The following GNL3L variants were observed in gnomAD, a reference collection of about 807,000 sequenced individuals.
The protein encoded by GNL3L is G protein nucleolar 3 like.
Under a neutral mutation model 42.9 loss-of-function variants are expected in GNL3L, and 4 were observed. The observed-to-expected ratio is 0.09, with a 90% CI of 0.05 to 0.21. GNL3L has a LOEUF of 0.21. Among genes scored for constraint, GNL3L ranks in the 10% least tolerant of loss-of-function variants. GNL3L has a pLI of 1.00. For missense variants in GNL3L, 412 were observed against 481.7 expected, an observed-to-expected ratio of 0.86 and a Z score of 1.36; for synonymous variants, 159 against 176.3, an observed-to-expected ratio of 0.90 and a Z score of 0.78.
chrX:54,643,147 A>G, the GNL3L span, among the ~76,000 whole-genome samples: 2 of 112,209 alleles, frequency 1.8e-5, no homozygotes, highest in Non-Finnish European at 3.8e-5. Context: ...ACCAATACAT[A>G]TACATCTACC....
chrX:54,574,152 A>G (rs1925601597), intron 16 of GNL3L, among the ~76,000 whole-genome samples: 1 of 111,550 alleles, frequency 9.0e-6, no homozygotes, highest in Non-Finnish European at 1.9e-5. Context: ...TCAACTCACT[A>G]TACTGACTAG....
intron 16 of GNL3L, among the ~76,000 whole-genome samples, chrX:54,591,082 C>T (rs1334873528): frequency 9.0e-6 from 1 of 111,149 alleles, no homozygotes; most frequent in East Asian, 2.8e-4. Flanking sequence ...CCACCTGCCT[C>T]TGCCCCACAA....
At chrX:54,591,870 G>T (rs55961022) in intron 16 of GNL3L, among the ~76,000 whole-genome samples, 4,465 of 111,194 alleles carry the variant, frequency 0.04, 84 homozygotes, top group South Asian at 0.1. Flanking sequence ...TTGGTATTCT[G>T]ATAGAGATTG....
downstream of GNL3L, among the ~76,000 whole-genome samples, chrX:54,571,356 A>T (rs1219432637): frequency 9.2e-6 from 1 of 108,452 alleles, no homozygotes; most frequent in Non-Finnish European, 1.9e-5. Flanking sequence ...ACCACGCCCG[A>T]CTAATGTTTT....
chrX:54,618,033 A>T (rs180776474), intron 16 of GNL3L, among the ~76,000 whole-genome samples: 109 of 110,434 alleles, frequency 9.9e-4, no homozygotes, highest in African/African-American at 3.4e-3. Flanking sequence ...AGTACTTTAA[A>T]AAAATTTAGC....
chrX:54,553,698 C>T (rs1211573795), intron 13 of GNL3L, among the ~76,000 whole-genome samples: 3 of 111,037 alleles, frequency 2.7e-5, no homozygotes, highest in Non-Finnish European at 3.8e-5. Context: ...CACCACCACG[C>T]CTGGCTAATT....
At chrX:54,579,982 G>GTTTTTTTTTT (rs1158646056) in intron 16 of GNL3L, among the ~76,000 whole-genome samples, 6 of 54,822 alleles carry the variant, frequency 1.1e-4, no homozygotes, top group African/African-American at 1.0e-3. Context: ...CTGGCCTAAA[G>GTTTTTTTTTT]TTTGTTTTTT....
At chrX:54,581,845 C>G in intron 16 of GNL3L, among the ~76,000 whole-genome samples, 1 of 112,124 alleles carries the variant, frequency 8.9e-6, no homozygotes, top group African/African-American at 3.2e-5. Flanking sequence ...CAATTTTTTA[C>G]TGTTATCAAT....
chrX:54,562,402 A>G lies in GNL3L; in HGVS notation c.*1800A>G, dbSNP rs1383283754. Among the ~76,000 whole-genome samples the G allele has an allele frequency of 9.0e-6, 1 of 111,391 alleles. No individual in the cohort carries two copies. Among genetic ancestry groups the G allele is most frequent in the East Asian group, 2.8e-4 (1 of 3,570 alleles). ...CTGCCTCTCAAGCTGGTACCTCCTA[A>G]TTTACATCCTAAGAGTGGAACCATG... On this transcript the variant is annotated 3_prime_UTR_variant, in exon 16 of 16. Coordinates refer to ENST00000360845, the MANE Select transcript of GNL3L (RefSeq NM_001184819.2).
intron 7 of GNL3L, 97 bp from the exon 8 acceptor site, chrX:54,544,126 T>G: frequency 2.1e-6 from 1 of 486,681 alleles, no homozygotes; most frequent in Non-Finnish European, 3.7e-6. Context: ...TGATGGTAGG[T>G]GGGCCTAGCT....
chrX:54,623,030 G>C (rs1926307305), downstream of GNL3L, among the ~76,000 whole-genome samples: 2 of 111,583 alleles, frequency 1.8e-5, no homozygotes, highest in African/African-American at 6.5e-5. Flanking sequence ...ATTGGTCATA[G>C]GTGTATGGGT....
chrX:54,596,989 C>CA (rs1189245857), intron 16 of GNL3L, among the ~76,000 whole-genome samples: 4 of 111,446 alleles, frequency 3.6e-5, no homozygotes, highest in Non-Finnish European at 7.5e-5. Flanking sequence ...GTCCAAGAGT[C>CA]ACGTCCTGGA....
chrX:54,559,975 C>T (rs755302929), intron 15 of GNL3L, among the ~76,000 whole-genome samples: 2 of 110,999 alleles, frequency 1.8e-5, no homozygotes, highest in Admixed American at 9.7e-5. Flanking sequence ...ATAGTAATCA[C>T]GTTGAAGACC....
Position 54,564,402 on chromosome X carries a change from CTTTTTTTTTT to C in GNL3L, c.*3811_*3820del, listed in dbSNP as rs567172499. Among the ~76,000 whole-genome samples, 2 of 80,810 alleles carry C rather than the reference CTTTTTTTTTT, an allele frequency of 2.5e-5. No homozygotes were observed. Among genetic ancestry groups the C allele is most frequent in the Admixed American group, 3.0e-4 (2 of 6,651 alleles). The allele number at this position is 80,810 out of a possible 115,157, so 70.2% of individuals were successfully genotyped here. ...AGTCACTGGTTTTTTTCTTCGTTCTCTTTTTTTTTTTTTTTTTTTTGAGACAGAGTCTAGC... is the reference window on the plus strand; with the variant it reads ...AGTCACTGGTTTTTTTCTTCGTTCTCTTTTTTTTTTGAGACAGAGTCTAGC... On this transcript the variant is annotated 3_prime_UTR_variant, in exon 16 of 16. Transcript: ENST00000360845.
At chrX:54,543,828 C>G (rs1924693525) in intron 7 of GNL3L, among the ~76,000 whole-genome samples, 1 of 111,963 alleles carries the variant, frequency 8.9e-6, no homozygotes, top group South Asian at 3.7e-4. Context: ...ACATGGTGGT[C>G]AGTACTTCAC....
chrX:54,551,517 G>A (rs1206699063), intron 10 of GNL3L, 51 bp from the exon 11 acceptor site: 1 of 1,077,971 alleles, frequency 9.3e-7, no homozygotes, highest in Non-Finnish European at 1.3e-6. Flanking sequence ...CTTCGTGATT[G>A]GGGCCTCTAC....
Position 54,565,743 on chromosome X carries a change from G to A in GNL3L, c.*5141G>A, listed in dbSNP as rs1925406890. 1.8e-5 allele frequency among the ~76,000 whole-genome samples: 2 copies of A among 109,673 alleles called. No homozygotes were observed. Among genetic ancestry groups the A allele is most frequent in the African/African-American group, 6.6e-5 (2 of 30,157 alleles). On this transcript the variant is annotated 3_prime_UTR_variant, in exon 16 of 16. Coordinates refer to ENST00000360845, the MANE Select transcript of GNL3L (RefSeq NM_001184819.2). ...ATTTGCTATCTACATATCTTCTTTG[G>A]CAAGGTGTTCACATCTCTTGCATAT...
At chrX:54,644,242 A>C in the GNL3L span, among the ~76,000 whole-genome samples, 11 of 112,024 alleles carry the variant, frequency 9.8e-5, no homozygotes, top group South Asian at 3.7e-4. Context: ...ACAGTGTACA[A>C]ACATTCTCCT....
the GNL3L span, among the ~76,000 whole-genome samples, chrX:54,635,096 C>G: frequency 9.0e-6 from 1 of 110,886 alleles, no homozygotes; most frequent in Non-Finnish European, 1.9e-5. Context: ...CTGGCCAATT[C>G]TTTCTTTTCT....
Sources: allele counts gnomAD v4.1 joint callset (sites outside exome capture counted in the v4.1 genomes callset), GRCh38; gene constraint gnomAD v4.1.1; transcripts MANE v1.5; gene names NCBI Gene and HGNC (gene_info 2026-07-23, HGNC 2026-07-21).